Variants in CUL3 observed in about 807,000 individuals in gnomAD.
CUL3 encodes the protein cullin 3.
A neutral mutation model predicts 89.1 loss-of-function variants in CUL3; 19 were observed. The ratio of observed to expected loss-of-function variants is 0.21; its 90% CI spans 0.15 to 0.31. The LOEUF is 0.31. CUL3 is among the 10% of genes least tolerant of loss of function. The pLI is 1.00. For missense variants in CUL3, 469 were observed against 942.3 expected (o/e 0.50, Z 6.58); for synonymous variants, 351 against 308.4 (o/e 1.14, Z -1.45).
chr2:224,502,132 T>C (rs1022094965), intron 10 of CUL3, among the ~76,000 whole-genome samples: 2 of 152,220 alleles, frequency 1.3e-5, no homozygotes, highest in African/African-American at 4.8e-5. Flanking sequence ...TGAATGGTTA[T>C]TCTACAGAAT....
chr2:224,519,337 A>T (rs112396197), intron 3 of CUL3, among the ~76,000 whole-genome samples: 100 of 152,290 alleles, frequency 6.6e-4, no homozygotes, highest in African/African-American at 2.4e-3. Context: ...ATCCCCCCAA[A>T]ATGCAAAATC....
chr2:224,475,589 C>T (rs527497011), intron 15 of CUL3, among the ~76,000 whole-genome samples: 1 of 152,194 alleles, frequency 6.6e-6, no homozygotes, highest in Admixed American at 6.5e-5. Context: ...TCTGCAACTA[C>T]AATTTATCGC....
At chr2:224,557,637 A>G (rs749569421) in intron 2 of CUL3, 22 bp downstream of exon 2, 333 of 1,524,392 alleles carry the variant, frequency 2.2e-4, no homozygotes, top group Non-Finnish European at 2.9e-4. Flanking sequence ...AGTATTAGCA[A>G]CAGTCCTTTA....
intron 3 of CUL3, among the ~76,000 whole-genome samples, chr2:224,517,688 T>G (rs1693112758): frequency 6.6e-6 from 1 of 152,258 alleles, no homozygotes; most frequent in African/African-American, 2.4e-5. Flanking sequence ...AATAGTGTAC[T>G]TATAAACACT....
At chr2:224,506,696 C>T (rs1692615418) in intron 7 of CUL3, among the ~76,000 whole-genome samples, 162 bp downstream of exon 7, 3 of 152,112 alleles carry the variant, frequency 2.0e-5, no homozygotes, top group Admixed American at 2.0e-4. Context: ...AATACGCACA[C>T]CTTGCAAAAT....
At chr2:224,579,568 C>G (rs1191710013) in intron 1 of CUL3, among the ~76,000 whole-genome samples, 1 of 152,186 alleles carries the variant, frequency 6.6e-6, no homozygotes, top group Non-Finnish European at 1.5e-5. Flanking sequence ...ACATAAAACT[C>G]CTTCACTAAT....
chr2:224,519,268 G>A (rs1332207278), intron 3 of CUL3, among the ~76,000 whole-genome samples: 1 of 152,150 alleles, frequency 6.6e-6, no homozygotes, highest in East Asian at 1.9e-4. Flanking sequence ...TGAATTTTAT[G>A]TTTAGCACAT....
intron 13 of CUL3, among the ~76,000 whole-genome samples, chr2:224,490,828 T>C (rs946931718): frequency 6.6e-6 from 1 of 152,272 alleles, no homozygotes; most frequent in East Asian, 1.9e-4. Context: ...AATGTTAACT[T>C]GTATACTTTT....
chr2:224,518,380 T>C (rs1038973700), intron 3 of CUL3, among the ~76,000 whole-genome samples: 3 of 151,674 alleles, frequency 2.0e-5, no homozygotes, highest in African/African-American at 7.3e-5. Flanking sequence ...AGCTGATGGA[T>C]ACTTTGGGTT....
At chr2:224,535,001 AAAATAAATAAATAAAT>A (rs201253756) in intron 3 of CUL3, among the ~76,000 whole-genome samples, 7,017 of 133,122 alleles carry the variant, frequency 0.053, 541 homozygotes, top group African/African-American at 0.17. Context: ...ACCCCGTCTC[AAAATAAATAAATAAAT>A]AAATAAATAA....
At chr2:224,576,878 T>C (rs1261142167) in intron 1 of CUL3, among the ~76,000 whole-genome samples, 1 of 152,238 alleles carries the variant, frequency 6.6e-6, no homozygotes, top group African/African-American at 2.4e-5. Flanking sequence ...ATATATGAAC[T>C]TCTGTTTTTG....
chr2:224,523,754 C>T (rs895161773), intron 3 of CUL3, among the ~76,000 whole-genome samples: 1 of 152,196 alleles, frequency 6.6e-6, no homozygotes, highest in Admixed American at 6.5e-5. Flanking sequence ...AGTAAACTCT[C>T]ACATATGCCG....
intron 1 of CUL3, among the ~76,000 whole-genome samples, chr2:224,562,529 A>G (rs1559228578): frequency 1.3e-5 from 2 of 151,466 alleles, no homozygotes. Context: ...TCCCAGCTAC[A>G]GGGGAAGCTA....
At chr2:224,545,671 T>C (rs1694267335) in intron 2 of CUL3, among the ~76,000 whole-genome samples, 1 of 152,148 alleles carries the variant, frequency 6.6e-6, no homozygotes, top group African/African-American at 2.4e-5. Flanking sequence ...TGCTTGGCAC[T>C]ATGGGGGATA....
chr2:224,478,416 AT>A (rs1424464357), intron 14 of CUL3, 71 bp from the exon 15 acceptor site: 6 of 1,464,990 alleles, frequency 4.1e-6, no homozygotes, highest in Non-Finnish European at 5.5e-6. Context: ...GCTTATTATA[AT>A]TCAATGTAAT....
intron 1 of CUL3, among the ~76,000 whole-genome samples, chr2:224,563,921 T>G (rs1241798576): frequency 6.6e-6 from 1 of 152,010 alleles, no homozygotes; most frequent in East Asian, 1.9e-4. Flanking sequence ...TTCCTTTAAG[T>G]GAAAAGGTGA....
intron 1 of CUL3, among the ~76,000 whole-genome samples, chr2:224,562,239 T>A (rs1694924856): frequency 1.3e-5 from 2 of 148,984 alleles, no homozygotes; most frequent in African/African-American, 4.9e-5. Context: ...ATGTAGTGCG[T>A]TTTTTTTTTC....
At chr2:224,535,230 AAGTGAGAGTGC>A (rs1275289164) in intron 3 of CUL3, among the ~76,000 whole-genome samples, 2 of 152,124 alleles carry the variant, frequency 1.3e-5, no homozygotes, top group Non-Finnish European at 2.9e-5. Flanking sequence ...TCTGTTGCCC[AAGTGAGAGTGC>A]AGTGGCACGA....
intron 13 of CUL3, among the ~76,000 whole-genome samples, chr2:224,486,455 G>C (rs1691725384): frequency 6.6e-6 from 1 of 151,910 alleles, no homozygotes; most frequent in South Asian, 2.1e-4. Flanking sequence ...CACAGCACAA[G>C]AACTTCGTGA....
Sources: allele counts gnomAD v4.1 joint callset (sites outside exome capture counted in the v4.1 genomes callset), GRCh38; gene constraint gnomAD v4.1.1; transcripts MANE v1.5; gene names NCBI Gene and HGNC (gene_info 2026-07-23, HGNC 2026-07-21).